AGMO: variants seen among roughly 807,000 people sequenced by gnomAD.
The protein encoded by AGMO is alkylglycerol monooxygenase.
In AGMO, 75 loss-of-function variants were observed where a neutral mutation model predicts 60.2. The ratio of observed to expected loss-of-function variants is 1.25; its 90% CI spans 1.03 to 1.51. The LOEUF is 1.51. AGMO is among the 40% of genes most tolerant of loss of function. The pLI is 0.00. For missense variants in AGMO, 763 were observed against 525.5 expected, an observed-to-expected ratio of 1.45 and a Z score of -4.42; for synonymous variants, 261 against 177.1, an observed-to-expected ratio of 1.47 and a Z score of -3.76.
At chr7:15,526,238 A>C (rs1012610016) in intron 3 of AGMO, among the ~76,000 whole-genome samples, 3 of 152,174 alleles carry the variant, frequency 2.0e-5, no homozygotes, top group Non-Finnish European at 4.4e-5. Flanking sequence ...ACTGAGAAAA[A>C]TCCTGCATCA....
chr7:15,552,330 T>C lies in AGMO; in HGVS notation c.258-7407A>G, dbSNP rs547205755. 4.6e-3 allele frequency among the ~76,000 whole-genome samples: 702 copies of C among 152,266 alleles called. 3 individuals carry two copies. The highest frequency in any genetic ancestry group is 6.7e-3 in the Non-Finnish European group (454 of 68,018). On this transcript the variant is annotated intron_variant, in intron 2 of 12. Transcript: ENST00000342526. ...CCAAAATTGACAAATGGGATCTAATTAAACTAAAGAGCTTCTGCACAGCAA... is the reference window on the plus strand; with the variant it reads ...CCAAAATTGACAAATGGGATCTAATCAAACTAAAGAGCTTCTGCACAGCAA...
At chr7:15,246,678 T>C (rs1782752388) in intron 12 of AGMO, among the ~76,000 whole-genome samples, 1 of 152,166 alleles carries the variant, frequency 6.6e-6, no homozygotes, top group Non-Finnish European at 1.5e-5. Context: ...CTTCATAATA[T>C]ACATGGATGC....
At chr7:15,202,516 T>A (rs1406659027) in intron 12 of AGMO, among the ~76,000 whole-genome samples, 2 of 146,584 alleles carry the variant, frequency 1.4e-5, no homozygotes, top group Non-Finnish European at 3.0e-5. Context: ...TGTTTCCATT[T>A]ATGAGTGGGT....
chr7:15,135,162 T>TGTGTGTG, the AGMO span, among the ~76,000 whole-genome samples: 2 of 102,010 alleles, frequency 2.0e-5, no homozygotes, highest in East Asian at 2.3e-4. Context: ...TTATATGAGT[T>TGTGTGTG]TGTGTGTGTG....
intron 12 of AGMO, among the ~76,000 whole-genome samples, chr7:15,209,709 C>G (rs944327715): frequency 6.6e-6 from 1 of 152,122 alleles, no homozygotes; most frequent in Non-Finnish European, 1.5e-5. Flanking sequence ...GAACTGGACC[C>G]AAGGGTATAC....
intron 3 of AGMO, among the ~76,000 whole-genome samples, chr7:15,477,672 T>A (rs565454038): frequency 3.9e-5 from 6 of 152,222 alleles, no homozygotes; most frequent in African/African-American, 1.4e-4. Context: ...CTGTTTCAGA[T>A]ATCAAATTTG....
At chr7:15,332,887 T>C (rs939102290) in intron 12 of AGMO, among the ~76,000 whole-genome samples, 11 of 152,106 alleles carry the variant, frequency 7.2e-5, no homozygotes, top group Non-Finnish European at 1.5e-4. Context: ...CAAAATAATA[T>C]CAGTATATTG....
intron 12 of AGMO, among the ~76,000 whole-genome samples, chr7:15,309,262 A>G (rs1208824207): frequency 6.6e-6 from 1 of 152,192 alleles, no homozygotes; most frequent in East Asian, 1.9e-4. Flanking sequence ...CAGACAGGCA[A>G]GCTGAGTAGG....
intron 12 of AGMO, among the ~76,000 whole-genome samples, chr7:15,257,296 C>T (rs1216377517): frequency 1.3e-5 from 2 of 151,720 alleles, no homozygotes; most frequent in Non-Finnish European, 2.9e-5. Flanking sequence ...TTAATATACT[C>T]CAAATAATAA....
At chr7:15,547,220 A>C (rs1279585849) in intron 2 of AGMO, among the ~76,000 whole-genome samples, 2 of 151,362 alleles carry the variant, frequency 1.3e-5, no homozygotes, top group African/African-American at 4.8e-5. Context: ...ATGTCTCCAG[A>C]TACTTCCAAG....
intron 12 of AGMO, among the ~76,000 whole-genome samples, chr7:15,326,679 C>T (rs6948289): frequency 0.33 from 49,858 of 152,046 alleles, 9,226 homozygotes; most frequent in East Asian, 0.51. Flanking sequence ...CTCCCCATGG[C>T]AGAATTATAC....
chr7:15,395,558 T>C (rs761601353), intron 5 of AGMO, among the ~76,000 whole-genome samples: 3 of 152,252 alleles, frequency 2.0e-5, no homozygotes, highest in African/African-American at 4.8e-5. Flanking sequence ...AACTGAAATA[T>C]ACACGACAGC....
chr7:15,242,134 A>G (rs990008876), intron 12 of AGMO, among the ~76,000 whole-genome samples: 3 of 152,162 alleles, frequency 2.0e-5, no homozygotes, highest in African/African-American at 7.2e-5. Context: ...TTAATTTAAA[A>G]TCAATTTATC....
At position 15,201,038 on chromosome 7, in the gene AGMO, A is replaced by T; in HGVS notation, c.*247T>A. On this transcript the variant is annotated 3_prime_UTR_variant, in exon 13 of 13. Transcript: ENST00000342526. The stretch of plus-strand genomic sequence containing the variant: ...TACTTGTCATATAAGGCTATCAGTT[A>T]ATATAACATCATTATATTTGAAATC... The T allele has an allele frequency of 3.1e-6, 1 of 321,432 alleles. No homozygotes were observed. The highest frequency in any genetic ancestry group is 5.6e-6 in the Non-Finnish European group (1 of 178,226). 19.9% of individuals were successfully genotyped at this position (321,432 alleles called of 1,614,324 possible).
chr7:15,283,718 A>G (rs1784027829), intron 12 of AGMO, among the ~76,000 whole-genome samples: 1 of 152,038 alleles, frequency 6.6e-6, no homozygotes, highest in African/African-American at 2.4e-5. Context: ...ACTACACTCT[A>G]GAACAACTGG....
intron 12 of AGMO, among the ~76,000 whole-genome samples, chr7:15,275,594 T>A (rs1158196624): frequency 6.6e-6 from 1 of 152,124 alleles, no homozygotes; most frequent in Non-Finnish European, 1.5e-5. Context: ...AGGTTATAAT[T>A]TCTTTGATTT....
chr7:15,268,278 T>C (rs1182066328), intron 12 of AGMO, among the ~76,000 whole-genome samples: 1 of 152,010 alleles, frequency 6.6e-6, no homozygotes, highest in African/African-American at 2.4e-5. Flanking sequence ...ATACTCTAAG[T>C]TTTAAAAGCC....
At chr7:15,268,615 TTGAG>T (rs1563062077) in intron 12 of AGMO, among the ~76,000 whole-genome samples, 2 of 151,952 alleles carry the variant, frequency 1.3e-5, no homozygotes, top group African/African-American at 2.4e-5. Flanking sequence ...AGTGGATACA[TTGAG>T]TGTGGAAATT....
the AGMO span, among the ~76,000 whole-genome samples, chr7:15,180,183 T>A: frequency 6.6e-6 from 1 of 152,188 alleles, no homozygotes; most frequent in African/African-American, 2.4e-5. Flanking sequence ...CTTTCTTGAA[T>A]GTGCATTTTT....
Sources: gnomAD v4.1 joint callset for allele counts (sites outside exome capture counted in the v4.1 genomes callset) on GRCh38, gnomAD v4.1.1 for gene constraint, MANE v1.5 for transcripts, NCBI Gene and HGNC (gene_info 2026-07-23, HGNC 2026-07-21) for gene names.